The following NEBL variants were observed in gnomAD, a reference collection of about 807,000 sequenced individuals.
The protein encoded by NEBL is nebulette.
NEBL carries 122 observed loss-of-function variants against 140.2 expected under a neutral mutation model. That is an observed-to-expected ratio of 0.87 (90% CI 0.75 to 1.01). The LOEUF (loss-of-function observed/expected upper bound fraction) is 1.01, where lower values mean the gene tolerates loss of function less well. Among genes scored for constraint, NEBL ranks in the 50% least tolerant of loss-of-function variants. NEBL has a pLI of 0.00. For missense variants in NEBL, 1,365 were observed against 1,231.3 expected, an observed-to-expected ratio of 1.11 and a Z score of -1.62; for synonymous variants, 436 against 398.9, an observed-to-expected ratio of 1.09 and a Z score of -1.11.
At chr10:21,029,968 T>C in intron 2 of NEBL, 1 of 492,566 alleles carries the variant, frequency 2.0e-6, no homozygotes, top group Non-Finnish European at 3.8e-6. Flanking sequence ...TGATTATAGG[T>C]ATAATGATAG....
upstream of NEBL, among the ~76,000 whole-genome samples, chr10:20,898,030 C>A (rs1847650169): frequency 2.0e-5 from 3 of 152,104 alleles, 1 homozygote; most frequent in African/African-American, 2.4e-5. Context: ...TGCAGTTCTA[C>A]TCATCATGTC....
chr10:20,919,001 A>G (rs1833448468), intron 4 of NEBL, among the ~76,000 whole-genome samples: 1 of 152,218 alleles, frequency 6.6e-6, no homozygotes, highest in South Asian at 2.1e-4. Context: ...TCTGGAGGTC[A>G]GTAGTAGAAT....
At chr10:20,951,810 C>A (rs930879784) in intron 4 of NEBL, among the ~76,000 whole-genome samples, 3 of 152,064 alleles carry the variant, frequency 2.0e-5, no homozygotes, top group African/African-American at 7.2e-5. Flanking sequence ...GTGGCTATGT[C>A]CCAAAAGGTA....
chr10:20,889,980 G>T, intron 2 of NEBL, 31 bp from the exon 3 acceptor site: 1 of 1,408,574 alleles, frequency 7.1e-7, no homozygotes, highest in Non-Finnish European at 1.0e-6. Context: ...CATAAGAAGA[G>T]AAAAAGAAAA....
chr10:21,107,595 T>G (rs1259222465), intron 2 of NEBL, among the ~76,000 whole-genome samples: 1 of 152,226 alleles, frequency 6.6e-6, no homozygotes, highest in Non-Finnish European at 1.5e-5. Flanking sequence ...GATTTTTGCA[T>G]CGATGTTCAT....
chr10:21,165,237 T>G (rs1840711982), intron 2 of NEBL, among the ~76,000 whole-genome samples: 1 of 152,202 alleles, frequency 6.6e-6, no homozygotes, highest in African/African-American at 2.4e-5. Context: ...AAATGAGCAT[T>G]CATAAGAAAT....
At chr10:20,898,292 C>G (rs929322082), upstream of NEBL, among the ~76,000 whole-genome samples, 6 of 152,020 alleles carry the variant, frequency 3.9e-5, no homozygotes, top group Non-Finnish European at 7.4e-5. Context: ...TTTACCAAGT[C>G]ATAGCACATT....
At chr10:20,930,898 G>A (rs1303755508) in intron 4 of NEBL, among the ~76,000 whole-genome samples, 1 of 152,092 alleles carries the variant, frequency 6.6e-6, no homozygotes, top group African/African-American at 2.4e-5. Context: ...TTGCAATCTG[G>A]AACATCTAAC....
chr10:21,194,673 G>A (rs1277447023), intron 3 of NEBL, among the ~76,000 whole-genome samples: 3 of 152,092 alleles, frequency 2.0e-5, no homozygotes, highest in South Asian at 2.1e-4. Flanking sequence ...TCCTATACCC[G>A]TACTTTGAGG....
At chr10:21,222,787 A>G (rs898346613) in intron 3 of NEBL, among the ~76,000 whole-genome samples, 2 of 151,952 alleles carry the variant, frequency 1.3e-5, no homozygotes, top group African/African-American at 4.8e-5. Context: ...TGTTAGACAG[A>G]GTTTTGTTCT....
chr10:21,167,182 C>T (rs1589304285), intron 2 of NEBL, among the ~76,000 whole-genome samples: 1 of 152,216 alleles, frequency 6.6e-6, no homozygotes, highest in East Asian at 1.9e-4. Context: ...AATGTGAACA[C>T]AGGCAGACCG....
intron 3 of NEBL, among the ~76,000 whole-genome samples, chr10:21,233,836 TGGATATATATTACATATATA>T (rs1423742095): frequency 8.2e-6 from 1 of 122,066 alleles, no homozygotes; most frequent in Non-Finnish European, 1.8e-5. Flanking sequence ...TGCATATATA[TGGATATATATTACATATATA>T]GATATATATT....
chr10:21,085,194 A>T (rs896270545), intron 2 of NEBL, among the ~76,000 whole-genome samples: 1 of 152,194 alleles, frequency 6.6e-6, no homozygotes, highest in African/African-American at 2.4e-5. Flanking sequence ...ATCACATGCT[A>T]ATCTTGAAAC....
At chr10:20,869,118 A>G (rs1435860720) in intron 6 of NEBL, among the ~76,000 whole-genome samples, 1 of 152,222 alleles carries the variant, frequency 6.6e-6, no homozygotes, top group Admixed American at 6.5e-5. Flanking sequence ...GTTTATTCTC[A>G]GGAACTGTTC....
At chr10:21,098,865 A>C (rs181450398) in intron 2 of NEBL, among the ~76,000 whole-genome samples, 36 of 152,342 alleles carry the variant, frequency 2.4e-4, no homozygotes, top group African/African-American at 7.7e-4. Flanking sequence ...ATGGCGGCTC[A>C]CACCTGTAAT....
At chr10:20,897,827 A>G (rs758155038), upstream of NEBL, among the ~76,000 whole-genome samples, 3 of 152,250 alleles carry the variant, frequency 2.0e-5, no homozygotes, top group Non-Finnish European at 2.9e-5. Flanking sequence ...ATTTATTATG[A>G]AAAGCCCTTT....
At chr10:21,056,132 A>G (rs755395166) in intron 2 of NEBL, among the ~76,000 whole-genome samples, 1 of 152,234 alleles carries the variant, frequency 6.6e-6, no homozygotes, top group Admixed American at 6.5e-5. Flanking sequence ...ATCATGATGT[A>G]GGATGATTAT....
intron 25 of NEBL, among the ~76,000 whole-genome samples, chr10:20,809,584 G>T (rs1209574570): frequency 6.6e-6 from 1 of 152,004 alleles, no homozygotes; most frequent in Non-Finnish European, 1.5e-5. Context: ...CTAATAAAAA[G>T]CTTATTTAAA....
At chr10:21,118,009 C>G (rs1838361677) in intron 2 of NEBL, among the ~76,000 whole-genome samples, 1 of 152,118 alleles carries the variant, frequency 6.6e-6, no homozygotes, top group African/African-American at 2.4e-5. Flanking sequence ...ACTCCTAGCA[C>G]AGAATAATTA....
Sources: gnomAD v4.1 joint callset for allele counts (sites outside exome capture counted in the v4.1 genomes callset) on GRCh38, gnomAD v4.1.1 for gene constraint, MANE v1.5 for transcripts, NCBI Gene and HGNC (gene_info 2026-07-23, HGNC 2026-07-21) for gene names.